PDGFC: variants seen among roughly 807,000 people sequenced by gnomAD.
PDGFC encodes platelet-derived growth factor C.
PDGFC carries 12 observed loss-of-function variants against 35.5 expected under a neutral mutation model. That is an observed-to-expected ratio of 0.34 (90% CI 0.22 to 0.55). PDGFC has a LOEUF of 0.55. Among genes scored for constraint, PDGFC ranks in the 20% least tolerant of loss-of-function variants. The pLI is 0.91. For synonymous variants in PDGFC, 159 were observed against 148.8 expected (o/e 1.07, Z -0.50); for missense variants, 322 against 412.4 (o/e 0.78, Z 1.90).
At chr4:156,779,339 G>A (rs895373893) in intron 3 of PDGFC, among the ~76,000 whole-genome samples, 3 of 152,204 alleles carry the variant, frequency 2.0e-5, no homozygotes, top group Admixed American at 6.5e-5. Context: ...TTAATATGGT[G>A]TGAGTAATGC....
At position 156,960,252 on chromosome 4, in the gene PDGFC, T is replaced by TTATA. The variant is rs202066963; in HGVS notation, c.118+10530_118+10533dup. Among the ~76,000 whole-genome samples, 757 of 137,110 alleles carry TTATA rather than the reference T, an allele frequency of 5.5e-3. 11 individuals are homozygous for TTATA. Among genetic ancestry groups the TTATA allele is most frequent in the South Asian group, 0.025 (113 of 4,440 alleles). 89.9% of individuals were successfully genotyped at this position (137,110 alleles called of 152,430 possible). ...AAGCCATTTGATATATATATAACTG[T>TTATA]TATATATATATATATATATATAAAA... is the stretch of plus-strand genomic sequence containing the variant. On this transcript the variant is annotated intron_variant, in intron 1 of 5. Coordinates refer to ENST00000502773, the MANE Select transcript of PDGFC (RefSeq NM_016205.3).
intron 2 of PDGFC, among the ~76,000 whole-genome samples, chr4:156,824,771 A>G (rs1194369928): frequency 6.6e-6 from 1 of 152,114 alleles, no homozygotes; most frequent in African/African-American, 2.4e-5. Flanking sequence ...GGCTTCCATG[A>G]CAAAGGACAC....
At chr4:156,886,484 C>T (rs2111183738) in intron 1 of PDGFC, among the ~76,000 whole-genome samples, 1 of 152,260 alleles carries the variant, frequency 6.6e-6, no homozygotes, top group African/African-American at 2.4e-5. Flanking sequence ...TGCTATTTGG[C>T]AGACATACTT....
intron 1 of PDGFC, among the ~76,000 whole-genome samples, chr4:156,912,076 C>T (rs998606934): frequency 4.6e-5 from 7 of 152,000 alleles, no homozygotes; most frequent in East Asian, 1.9e-4. Flanking sequence ...TAACAGAAAC[C>T]GAGAGCAAAT....
At chr4:156,908,446 A>G (rs1730968066) in intron 1 of PDGFC, among the ~76,000 whole-genome samples, 1 of 152,202 alleles carries the variant, frequency 6.6e-6, no homozygotes, top group South Asian at 2.1e-4. Flanking sequence ...GAATTAGAAT[A>G]TTTATATAAA....
chr4:156,903,025 T>C (rs1730826706), intron 1 of PDGFC, among the ~76,000 whole-genome samples: 1 of 151,388 alleles, frequency 6.6e-6, no homozygotes, highest in Non-Finnish European at 1.5e-5. Flanking sequence ...TCATGTCAAA[T>C]AAATTCCACC....
chr4:156,831,538 A>C (rs1420073641), intron 2 of PDGFC, among the ~76,000 whole-genome samples: 2 of 144,670 alleles, frequency 1.4e-5, no homozygotes, highest in Admixed American at 7.1e-5. Context: ...CCACCTCCCG[A>C]GTTACAGCAA....
chr4:156,868,078 G>T (rs1050739235), intron 1 of PDGFC, among the ~76,000 whole-genome samples: 1 of 152,080 alleles, frequency 6.6e-6, no homozygotes, highest in Non-Finnish European at 1.5e-5. Flanking sequence ...GCCTCCCAAA[G>T]TGCTGGGAAT....
At chr4:156,970,061 C>T (rs967282071) in intron 1 of PDGFC, among the ~76,000 whole-genome samples, 2 of 152,180 alleles carry the variant, frequency 1.3e-5, no homozygotes, top group African/African-American at 2.4e-5. Flanking sequence ...CCCAAGGGAA[C>T]TTGCATCTGA....
At chr4:156,814,734 T>C (rs2110956944) in intron 2 of PDGFC, among the ~76,000 whole-genome samples, 1 of 152,328 alleles carries the variant, frequency 6.6e-6, no homozygotes, top group South Asian at 2.1e-4. Context: ...TGTTATATGA[T>C]CTGTAACTTC....
chr4:156,826,587 T>A (rs1728761382), intron 2 of PDGFC, among the ~76,000 whole-genome samples: 1 of 152,178 alleles, frequency 6.6e-6, no homozygotes, highest in Non-Finnish European at 1.5e-5. Context: ...AATCAAGGCA[T>A]CTTTAAAGGA....
chr4:156,808,793 T>A (rs763634830), intron 3 of PDGFC, among the ~76,000 whole-genome samples: 4 of 151,838 alleles, frequency 2.6e-5, no homozygotes, highest in African/African-American at 4.8e-5. Context: ...TTATTAAGAG[T>A]AGAATGAATG....
At chr4:156,836,440 C>T (rs1729065432) in intron 2 of PDGFC, among the ~76,000 whole-genome samples, 1 of 152,134 alleles carries the variant, frequency 6.6e-6, no homozygotes, top group Admixed American at 6.5e-5. Flanking sequence ...TAATAACTTT[C>T]TCCTTGATTT....
At chr4:156,775,188 A>G (rs993046550) in intron 3 of PDGFC, among the ~76,000 whole-genome samples, 3 of 152,222 alleles carry the variant, frequency 2.0e-5, no homozygotes, top group African/African-American at 4.8e-5. Flanking sequence ...TGATCTAAAA[A>G]CGGTTTTAAT....
At chr4:156,784,034 G>C (rs1209339458) in intron 3 of PDGFC, among the ~76,000 whole-genome samples, 1 of 152,102 alleles carries the variant, frequency 6.6e-6, no homozygotes, top group Non-Finnish European at 1.5e-5. Context: ...AGTTCAGGTT[G>C]GGTCAATTTA....
chr4:156,931,126 A>G (rs963066930), intron 1 of PDGFC, among the ~76,000 whole-genome samples: 2 of 152,178 alleles, frequency 1.3e-5, no homozygotes, highest in East Asian at 3.9e-4. Flanking sequence ...CTGACAAAAA[A>G]TTGTGAAAGC....
chr4:156,919,646 G>A (rs562925799), intron 1 of PDGFC, among the ~76,000 whole-genome samples: 3 of 152,174 alleles, frequency 2.0e-5, no homozygotes, highest in Non-Finnish European at 2.9e-5. Context: ...GCATCTCTGG[G>A]GATATGGACA....
At chr4:156,814,911 T>G (rs1374032589) in intron 2 of PDGFC, among the ~76,000 whole-genome samples, 2 of 152,148 alleles carry the variant, frequency 1.3e-5, no homozygotes, top group Non-Finnish European at 2.9e-5. Context: ...ATATTATTAC[T>G]TATTTCATGA....
intron 1 of PDGFC, among the ~76,000 whole-genome samples, chr4:156,925,536 C>A (rs773291231): frequency 6.6e-5 from 10 of 151,830 alleles, no homozygotes; most frequent in Non-Finnish European, 1.3e-4. Flanking sequence ...AGGGGAAAAG[C>A]ACATTTGAGG....
Sources: allele counts gnomAD v4.1 joint callset (sites outside exome capture counted in the v4.1 genomes callset), GRCh38; gene constraint gnomAD v4.1.1; transcripts MANE v1.5; gene names NCBI Gene and HGNC (gene_info 2026-07-23, HGNC 2026-07-21).